The following MYO3B variants were observed in gnomAD, a reference collection of about 807,000 sequenced individuals.
MYO3B encodes the protein myosin IIIB, also known as myosin-IIIb.
MYO3B carries 156 observed loss-of-function variants against 174.6 expected under a neutral mutation model. The observed-to-expected ratio is 0.89, with a 90% CI of 0.78 to 1.02. The LOEUF is 1.02. Among genes scored for constraint, MYO3B ranks in the 50% least tolerant of loss-of-function variants. MYO3B has a pLI of 0.00. For missense variants in MYO3B, 1,632 were observed against 1,639.4 expected (o/e 1.00, Z 0.08); for synonymous variants, 563 against 569.1 (o/e 0.99, Z 0.15).
chr2:170,548,106 C>CAA lies in MYO3B; in HGVS notation c.3733+4146_3733+4147dup, dbSNP rs10532249. Among the ~76,000 whole-genome samples, 123 of 51,718 alleles carry CAA rather than the reference C, an allele frequency of 2.4e-3. 6 individuals are homozygous for CAA. Among genetic ancestry groups the CAA allele is most frequent in the Non-Finnish European group, 2.5e-3 (84 of 33,136 alleles). 33.9% of individuals were successfully genotyped at this position (51,718 alleles called of 152,430 possible). A position where few individuals can be genotyped will look rare whatever the true frequency, so the allele number is the denominator to read the frequency against. On this transcript the variant is annotated intron_variant, in intron 32 of 34. Transcript: ENST00000408978. ...TGGGAAACAGAGCAAGACTCCGTCT[C>CAA]AAAAAAAAAAAAAAAAAAAAAAAAA...
chr2:170,308,570 C>T (rs898444320), intron 7 of MYO3B, among the ~76,000 whole-genome samples: 2 of 152,184 alleles, frequency 1.3e-5, no homozygotes, highest in Non-Finnish European at 2.9e-5. Context: ...CTGAGGCATA[C>T]TCTGGGTGCA....
At chr2:170,550,422 G>T (rs1039691047) in intron 32 of MYO3B, among the ~76,000 whole-genome samples, 1 of 152,170 alleles carries the variant, frequency 6.6e-6, no homozygotes, top group African/African-American at 2.4e-5. Context: ...ATTCTGTGTG[G>T]GATGGAGGCG....
chr2:170,532,763 C>T (rs1689436328), intron 30 of MYO3B, among the ~76,000 whole-genome samples: 1 of 147,926 alleles, frequency 6.8e-6, no homozygotes, highest in African/African-American at 2.5e-5. Flanking sequence ...TTGCGGTGAG[C>T]CAAGATTGAG....
Position 170,335,445 on chromosome 2 carries a change from T to C in MYO3B, c.810T>C (p.Ile270=), listed in dbSNP as rs1265690060. 1.9e-6 allele frequency: 3 copies of C among 1,611,326 alleles called. No individual in the cohort carries two copies. The highest frequency in any genetic ancestry group is 2.5e-6 in the Non-Finnish European group (3 of 1,178,410). ...GGTGTGAAGAATTCAACCACTTTAT[T>C]TCACAGTGAGTATTTCTTCCACTAA... is the stretch of plus-strand genomic sequence containing the variant. ...EKWCEEFNHF[I]SQCLIKDFER... Residue 270 remains isoleucine, a synonymous_variant, in exon 8 of 35, where the codon ATT becomes ATC. Coordinates refer to ENST00000408978, the MANE Select transcript of MYO3B (RefSeq NM_138995.5).
chr2:170,373,307 C>T (rs769173897), intron 9 of MYO3B, among the ~76,000 whole-genome samples: 132 of 152,312 alleles, frequency 8.7e-4, no homozygotes, highest in Middle Eastern at 3.4e-3. Flanking sequence ...CATAGTCTAT[C>T]AAATGCAATG....
intron 32 of MYO3B, among the ~76,000 whole-genome samples, chr2:170,620,228 C>A (rs1695800083): frequency 6.6e-6 from 1 of 151,990 alleles, no homozygotes; most frequent in African/African-American, 2.4e-5. Flanking sequence ...GAATTTCATA[C>A]AAATACCTCA....
At chr2:170,365,365 T>C (rs1354124313) in intron 8 of MYO3B, among the ~76,000 whole-genome samples, 1 of 152,222 alleles carries the variant, frequency 6.6e-6, no homozygotes, top group Non-Finnish European at 1.5e-5. Flanking sequence ...TGGCTTTTGC[T>C]GTTTCTTGTG....
intron 32 of MYO3B, among the ~76,000 whole-genome samples, chr2:170,563,795 G>C (rs1691892630): frequency 6.6e-6 from 1 of 152,172 alleles, no homozygotes; most frequent in African/African-American, 2.4e-5. Context: ...GATGGCTACT[G>C]CTGGAGCTCC....
intron 7 of MYO3B, among the ~76,000 whole-genome samples, chr2:170,237,203 A>G (rs1206255004): frequency 6.6e-6 from 1 of 152,210 alleles, no homozygotes; most frequent in Non-Finnish European, 1.5e-5. Context: ...TCTGGTGAAC[A>G]TTCAAAAGGA....
chr2:170,582,342 G>T (rs764271948), intron 32 of MYO3B, among the ~76,000 whole-genome samples: 3 of 152,172 alleles, frequency 2.0e-5, no homozygotes, highest in Non-Finnish European at 4.4e-5. Flanking sequence ...TAAAGGCTTC[G>T]TGGCAAATGT....
intron 7 of MYO3B, among the ~76,000 whole-genome samples, chr2:170,251,415 G>A (rs576839884): frequency 9.2e-5 from 14 of 152,182 alleles, no homozygotes; most frequent in East Asian, 7.7e-4. Flanking sequence ...AGGTTGAATC[G>A]TGTTTCTCAG....
At chr2:170,599,520 G>A (rs1391925473) in intron 32 of MYO3B, among the ~76,000 whole-genome samples, 1 of 152,202 alleles carries the variant, frequency 6.6e-6, no homozygotes, top group Non-Finnish European at 1.5e-5. Flanking sequence ...GCCAAGGCAG[G>A]CGGATCATTT....
chr2:170,222,022 A>T (rs2092906492), intron 6 of MYO3B, among the ~76,000 whole-genome samples: 1 of 152,238 alleles, frequency 6.6e-6, no homozygotes, highest in African/African-American at 2.4e-5. Flanking sequence ...ATAGATAATT[A>T]AGTTTCTCGT....
Position 170,438,282 on chromosome 2 carries a change from G to A in MYO3B, c.2651-5685G>A, listed in dbSNP as rs375562199. On this transcript the variant is annotated intron_variant, in intron 22 of 34. Coordinates refer to ENST00000408978, the MANE Select transcript of MYO3B (RefSeq NM_138995.5). ...TTTCCTTGTTTTTTTTTAAGGCTGGGTATTCAATTGTATGTATATATCAAA... is the reference window on the plus strand; with the variant it reads ...TTTCCTTGTTTTTTTTTAAGGCTGGATATTCAATTGTATGTATATATCAAA... Among the ~76,000 whole-genome samples, 32 of 152,090 alleles carry A rather than the reference G, an allele frequency of 2.1e-4. 1 individual carries two copies. Among genetic ancestry groups the A allele is most frequent in the African/African-American group, 7.7e-4 (32 of 41,468 alleles).
intron 17 of MYO3B, among the ~76,000 whole-genome samples, chr2:170,400,829 G>GGTTT (rs60401794): frequency 0.024 from 3,665 of 150,656 alleles, 154 homozygotes; most frequent in East Asian, 0.22. Flanking sequence ...TTTGAGCAGT[G>GGTTT]TTTTTTTCTT....
At chr2:170,233,949 A>G (rs1487054863) in intron 6 of MYO3B, among the ~76,000 whole-genome samples, 2 of 152,040 alleles carry the variant, frequency 1.3e-5, no homozygotes, top group Non-Finnish European at 2.9e-5. Flanking sequence ...AGGCGGGTGG[A>G]TCACGAGGTC....
chr2:170,315,572 C>T (rs1434506653), intron 7 of MYO3B, among the ~76,000 whole-genome samples: 1 of 152,136 alleles, frequency 6.6e-6, no homozygotes, highest in East Asian at 1.9e-4. Flanking sequence ...TCCCAAAGTG[C>T]TGGGATTACA....
At chr2:170,274,918 A>G (rs2093453254) in intron 7 of MYO3B, among the ~76,000 whole-genome samples, 1 of 152,100 alleles carries the variant, frequency 6.6e-6, no homozygotes, top group African/African-American at 2.4e-5. Context: ...TCCTGGGACC[A>G]TAGGATCCAG....
intron 1 of MYO3B, among the ~76,000 whole-genome samples, chr2:170,186,896 A>G (rs112736462): frequency 0.42 from 64,065 of 151,728 alleles, 14,861 homozygotes; most frequent in East Asian, 0.57. Flanking sequence ...AGATTTTTCC[A>G]ATTTATTGAT....
Sources: allele counts gnomAD v4.1 joint callset (sites outside exome capture counted in the v4.1 genomes callset), GRCh38; gene constraint gnomAD v4.1.1; transcripts MANE v1.5; gene names NCBI Gene and HGNC (gene_info 2026-07-23, HGNC 2026-07-21).